ACSL3: variants seen among roughly 807,000 people sequenced by gnomAD.
The protein encoded by ACSL3 is acyl-CoA synthetase long chain family member 3.
In ACSL3, 34 loss-of-function variants were observed where a neutral mutation model predicts 84.7. The ratio of observed to expected loss-of-function variants is 0.40; its 90% CI spans 0.31 to 0.53. ACSL3 has a LOEUF of 0.53. Ranked by LOEUF, ACSL3 falls within the 20% of genes least tolerant of loss-of-function variation. The pLI is 0.48. For missense variants in ACSL3, 680 were observed against 873.1 expected (o/e 0.78, Z 2.79); for synonymous variants, 315 against 299.4 (o/e 1.05, Z -0.54).
At chr2:222,938,735 C>G (rs1021590479) in intron 16 of ACSL3, among the ~76,000 whole-genome samples, 7 of 152,160 alleles carry the variant, frequency 4.6e-5, no homozygotes, top group African/African-American at 1.7e-4. Context: ...TCCTTTCTGT[C>G]TTCTTTTTCT....
At chr2:222,903,714 A>G (rs1048298505) in intron 3 of ACSL3, among the ~76,000 whole-genome samples, 6 of 152,338 alleles carry the variant, frequency 3.9e-5, no homozygotes, top group Middle Eastern at 3.4e-3. Context: ...TTTGCCCAAC[A>G]TGCTTGCTCT....
intron 7 of ACSL3, among the ~76,000 whole-genome samples, chr2:222,920,393 C>T (rs573450345): frequency 6.6e-6 from 1 of 152,168 alleles, no homozygotes; most frequent in Non-Finnish European, 1.5e-5. Context: ...CTTTGTTCTT[C>T]TGCTGTGCCA....
intron 16 of ACSL3, among the ~76,000 whole-genome samples, chr2:222,937,733 G>C (rs971399646): frequency 6.6e-6 from 1 of 151,968 alleles, no homozygotes; most frequent in Non-Finnish European, 1.5e-5. Context: ...CTTGAGTCTT[G>C]TTTTATATTC....
rs375144313 is a variant in ACSL3, at chr2:222,908,739, G to A, written c.-34G>A. 27 of 1,541,426 alleles carry A rather than the reference G, an allele frequency of 1.8e-5. No homozygotes were observed. The highest frequency in any genetic ancestry group is 1.1e-4 in the African/African-American group (8 of 70,190). ...TTCTTTTTCTTCCTCCTAGATTCTC[G>A]CTGAAGTCTGTTAATTCTACTTTTT... On this transcript the variant is annotated 5_prime_UTR_variant, in exon 4 of 17. Coordinates refer to ENST00000357430, the MANE Select transcript of ACSL3 (RefSeq NM_004457.5).
chr2:222,911,655 G>A (rs1696443113), intron 4 of ACSL3, among the ~76,000 whole-genome samples: 1 of 152,202 alleles, frequency 6.6e-6, no homozygotes, highest in East Asian at 1.9e-4. Context: ...ATGTACAGCA[G>A]CAAACTAGTT....
At chr2:222,916,521 G>GA in intron 5 of ACSL3, 25 bp downstream of exon 5, 1 of 1,520,084 alleles carries the variant, frequency 6.6e-7, no homozygotes, top group Non-Finnish European at 8.9e-7. Context: ...TTATCTTCTG[G>GA]AAGAATGAAC....
At chr2:222,915,048 A>G (rs976515275) in intron 4 of ACSL3, among the ~76,000 whole-genome samples, 4 of 152,240 alleles carry the variant, frequency 2.6e-5, no homozygotes, top group Non-Finnish European at 4.4e-5. Context: ...AAATTTATAA[A>G]TCCTGTCACT....
At chr2:222,915,180 GCTC>G (rs1284006310) in intron 4 of ACSL3, among the ~76,000 whole-genome samples, 1 of 152,152 alleles carries the variant, frequency 6.6e-6, no homozygotes, top group Non-Finnish European at 1.5e-5. Flanking sequence ...CCCTCACAGA[GCTC>G]CTTTTGAAGT....
chr2:222,910,327 G>A (rs1375278999), intron 4 of ACSL3, among the ~76,000 whole-genome samples: 1 of 152,160 alleles, frequency 6.6e-6, no homozygotes, highest in African/African-American at 2.4e-5. Context: ...TTTAGAGGGG[G>A]TACAGTGAAG....
chr2:222,875,624 T>C (rs1206707971), intron 1 of ACSL3, among the ~76,000 whole-genome samples: 1 of 152,218 alleles, frequency 6.6e-6, no homozygotes. Flanking sequence ...GATGACTTAT[T>C]GGTGAGGCTT....
At chr2:222,890,542 G>A (rs1695819298) in intron 2 of ACSL3, among the ~76,000 whole-genome samples, 1 of 151,524 alleles carries the variant, frequency 6.6e-6, no homozygotes, top group Non-Finnish European at 1.5e-5. Context: ...CTTTTTTTTT[G>A]TATGTTTGGA....
chr2:222,916,304 T>G lies in ACSL3; in HGVS notation c.379-15T>G, dbSNP rs1696581890. ...ATTTTGATTACATTAAAAAAATTTT[T>G]TTTTGTTTTATCAGGTTATTCTTGG... On this transcript the variant is annotated splice_polypyrimidine_tract_variant and intron_variant, in intron 4 of 16. Transcript: ENST00000357430. 1 of 1,483,188 alleles carries G rather than the reference T, an allele frequency of 6.7e-7. No individual in the cohort carries two copies. The highest frequency in any genetic ancestry group is 9.0e-7 in the Non-Finnish European group (1 of 1,110,084). The allele number at this position is 1,483,188 out of a possible 1,614,324, so 91.9% of individuals were successfully genotyped here. A position where few individuals can be genotyped will look rare whatever the true frequency, so the allele number is the denominator to read the frequency against.
intron 3 of ACSL3, among the ~76,000 whole-genome samples, chr2:222,902,130 C>G (rs1696169961): frequency 6.6e-6 from 1 of 151,944 alleles, no homozygotes; most frequent in South Asian, 2.1e-4. Context: ...TTTTTCATAT[C>G]CAACTTATTT....
intron 2 of ACSL3, among the ~76,000 whole-genome samples, chr2:222,890,499 G>T (rs1055005228): frequency 9.9e-5 from 15 of 152,048 alleles, no homozygotes; most frequent in Non-Finnish European, 2.1e-4. Context: ...TCTCAAATAT[G>T]CATACTTTGT....
intron 4 of ACSL3, among the ~76,000 whole-genome samples, chr2:222,914,940 C>G (rs1009410954): frequency 6.6e-6 from 1 of 152,170 alleles, no homozygotes; most frequent in East Asian, 1.9e-4. Context: ...GGAAATCTTA[C>G]GCTCATTTGA....
chr2:222,884,844 T>C (rs705727), intron 1 of ACSL3, among the ~76,000 whole-genome samples: 138,897 of 152,266 alleles, frequency 0.91, 63,469 homozygotes, highest in East Asian at 0.98. Flanking sequence ...ATTGTTATTA[T>C]TGCCTGCAGT....
Position 222,927,005 on chromosome 2 carries a change from T to G in ACSL3, c.1293-12T>G, listed in dbSNP as rs751813580. 6.2e-7 allele frequency: 1 copy of G among 1,608,378 alleles called. No homozygotes were observed. The highest frequency in any genetic ancestry group is 1.7e-5 in the Admixed American group (1 of 59,738). On this transcript the variant is annotated splice_polypyrimidine_tract_variant and intron_variant, in intron 11 of 16. Coordinates refer to ENST00000357430, the MANE Select transcript of ACSL3 (RefSeq NM_004457.5). ...TTTTAAAATCCTGTGGTTCTCTAAT[T>G]TTTTTCTTTAGCTTTGTTTTCCGGA...
rs547746792 is a variant in ACSL3, at chr2:222,883,656, G to A, written c.-206-4174G>A. 9.2e-5 allele frequency among the ~76,000 whole-genome samples: 14 copies of A among 151,956 alleles called. No individual in the cohort carries two copies. The South Asian group carries it at 2.3e-3, about 25-fold the overall frequency. On this transcript the variant is annotated intron_variant, in intron 1 of 16. Transcript: ENST00000357430. ...GATATTATATTGCAGTGTGCTTTAG[G>A]AATTTCTGCTTGCAAAATGCTTCAG...
chr2:222,882,805 C>T (rs1185146083), intron 1 of ACSL3, among the ~76,000 whole-genome samples: 2 of 136,570 alleles, frequency 1.5e-5, no homozygotes, highest in South Asian at 2.4e-4. Context: ...GCTCTGTCGC[C>T]CAGGCTGGCT....
Sources: allele counts gnomAD v4.1 joint callset (sites outside exome capture counted in the v4.1 genomes callset), GRCh38; gene constraint gnomAD v4.1.1; transcripts MANE v1.5; gene names NCBI Gene and HGNC (gene_info 2026-07-23, HGNC 2026-07-21).